The following HACD4 variants were observed in gnomAD, a reference collection of about 807,000 sequenced individuals.
HACD4 encodes 3-hydroxyacyl-CoA dehydratase 4.
A neutral mutation model predicts 33.3 loss-of-function variants in HACD4; 35 were observed. The ratio of observed to expected loss-of-function variants is 1.05; its 90% CI spans 0.80 to 1.39. The LOEUF (loss-of-function observed/expected upper bound fraction) is 1.39. HACD4 is among the 40% of genes most tolerant of loss of function. The probability of loss-of-function intolerance (pLI) is 0.00; values close to 1 mark genes in which losing one functional copy is unlikely to be tolerated. For synonymous variants in HACD4, 118 were observed against 98.0 expected, an observed-to-expected ratio of 1.20 and a Z score of -1.21; for missense variants, 323 against 276.5, an observed-to-expected ratio of 1.17 and a Z score of -1.19.
intron 5 of HACD4, among the ~76,000 whole-genome samples, chr9:21,009,298 A>G (rs903774222): frequency 3.9e-5 from 6 of 152,192 alleles, no homozygotes; most frequent in Non-Finnish European, 7.4e-5. Context: ...TTTGTCATAT[A>G]TATCTCTAGA....
intron 1 of HACD4, chr9:21,031,345 G>T: frequency 1.7e-6 from 1 of 576,462 alleles, no homozygotes; most frequent in Non-Finnish European, 2.2e-6. Flanking sequence ...GTAAAATGGA[G>T]AAAATAACAG....
intron 3 of HACD4, among the ~76,000 whole-genome samples, chr9:21,023,150 C>G: frequency 7.1e-6 from 1 of 140,108 alleles, no homozygotes. Flanking sequence ...TTCTCCCTCA[C>G]AGGTGGGAAC....
chr9:21,026,724 C>G lies in HACD4; in HGVS notation c.143-1G>C. On this transcript the variant is annotated splice_acceptor_variant, in intron 2 of 6. Transcript: ENST00000495827. LOFTEE classifies it high-confidence loss of function. ...GCATAAAAAGTGTCAACCATTGAAT[C>G]TGTATCCCGTGGGTTAAAAATGCAG... 9.9e-6 allele frequency: 16 copies of G among 1,612,814 alleles called. No homozygotes were observed. The highest frequency in any genetic ancestry group is 1.3e-5 in the Non-Finnish European group (15 of 1,179,374).
At chr9:21,021,020 C>G (rs1817895124) in intron 3 of HACD4, among the ~76,000 whole-genome samples, 1 of 152,102 alleles carries the variant, frequency 6.6e-6, no homozygotes, top group Non-Finnish European at 1.5e-5. Context: ...CATCAAAAAG[C>G]TTATCCACCA....
At chr9:21,008,464 A>G (rs1842328135) in intron 5 of HACD4, among the ~76,000 whole-genome samples, 1 of 152,186 alleles carries the variant, frequency 6.6e-6, no homozygotes, top group Non-Finnish European at 1.5e-5. Flanking sequence ...GGTGATAGAG[A>G]GATGAACTTG....
At chr9:21,016,369 A>T (rs1427863953) in intron 3 of HACD4, among the ~76,000 whole-genome samples, 8 of 152,164 alleles carry the variant, frequency 5.3e-5, no homozygotes, top group Admixed American at 5.2e-4. Flanking sequence ...TGCTCCAAAG[A>T]GGGTAGCAGT....
rs1204272662 is a variant in HACD4 at position 20,999,801 on chromosome 9, T to C, written c.*7236A>G. ...CACTATACAAGTTTCTGGGGTACAA[T>C]CTGAACAAAACGTGTCATCCCTGCT... is the stretch of plus-strand genomic sequence containing the variant. On this transcript the variant is annotated 3_prime_UTR_variant, in exon 7 of 7. Coordinates refer to ENST00000495827, the MANE Select transcript of HACD4 (RefSeq NM_001010915.5). The C allele has an allele frequency of 1.3e-5, 2 of 152,184 alleles. No individual in the cohort carries two copies. Among genetic ancestry groups the C allele is most frequent in the African/African-American group, 4.8e-5 (2 of 41,442 alleles). 9.4% of individuals were successfully genotyped at this position (152,184 alleles called of 1,614,324 possible).
intron 3 of HACD4, among the ~76,000 whole-genome samples, chr9:21,020,420 C>T (rs946812999): frequency 2.6e-5 from 4 of 152,068 alleles, no homozygotes. Flanking sequence ...TTGAAACATC[C>T]TAAAGCAGCA....
rs1587818622 is a variant in HACD4, at chr9:20,999,742, G to A, written c.*7295C>T. ...AGTAGTGGCGTTCTTTAAAGATAGA[G>A]TTGCACACACAATTATGGGTGTCTA... On this transcript the variant is annotated 3_prime_UTR_variant, in exon 7 of 7. Coordinates refer to ENST00000495827, the MANE Select transcript of HACD4 (RefSeq NM_001010915.5). 1.3e-5 allele frequency: 2 copies of A among 152,140 alleles called. No homozygotes were observed. The highest frequency in any genetic ancestry group is 1.9e-4 in the East Asian group (1 of 5,202). The allele number at this position is 152,140 out of a possible 1,614,324, so 9.4% of individuals were successfully genotyped here. A position where few individuals can be genotyped will look rare whatever the true frequency, so the allele number is the denominator to read the frequency against.
chr9:21,006,751 C>T lies in HACD4; in HGVS notation c.*286G>A. On this transcript the variant is annotated 3_prime_UTR_variant, in exon 7 of 7. Coordinates refer to ENST00000495827, the MANE Select transcript of HACD4 (RefSeq NM_001010915.5). This position sits in a 1 kb window ranked among gnomAD's most constrained non-coding sequence, Gnocchi z 4.6. ...AATCTCCTATTTCTCATTAAACTTA[C>T]AGGAAAATAATCAGACTTCATACAA... is the stretch of plus-strand genomic sequence containing the variant. The T allele has an allele frequency of 3.2e-6, 1 of 316,366 alleles. No homozygotes were observed. The highest frequency in any genetic ancestry group is 5.8e-6 in the Non-Finnish European group (1 of 171,092). The allele number at this position is 316,366 out of a possible 1,614,324, so 19.6% of individuals were successfully genotyped here. A position where few individuals can be genotyped will look rare whatever the true frequency, so the allele number is the denominator to read the frequency against.
At chr9:21,027,782 G>A (rs1306346467) in intron 2 of HACD4, among the ~76,000 whole-genome samples, 6 of 152,158 alleles carry the variant, frequency 3.9e-5, no homozygotes, top group Admixed American at 3.3e-4. Context: ...TGAACGAATC[G>A]GTTGTGTTTC....
At chr9:21,027,621 G>C (rs954363314) in intron 2 of HACD4, among the ~76,000 whole-genome samples, 1 of 152,148 alleles carries the variant, frequency 6.6e-6, no homozygotes, top group East Asian at 1.9e-4. Context: ...TGCTGTACCA[G>C]AGCATTATGA....
chr9:21,013,401 C>G (rs960011748), intron 4 of HACD4, among the ~76,000 whole-genome samples: 1 of 152,176 alleles, frequency 6.6e-6, no homozygotes, highest in Non-Finnish European at 1.5e-5. Flanking sequence ...CAGTACCACA[C>G]TTAATTATTG....
chr9:21,028,164 G>GA (rs999453962), intron 2 of HACD4, among the ~76,000 whole-genome samples: 4 of 144,686 alleles, frequency 2.8e-5, no homozygotes, highest in South Asian at 2.2e-4. Flanking sequence ...AAAAAGAAAA[G>GA]AAAAAAAAAG....
chr9:21,010,306 C>G (rs1399756972), intron 5 of HACD4, among the ~76,000 whole-genome samples: 1 of 152,114 alleles, frequency 6.6e-6, no homozygotes, highest in South Asian at 2.1e-4. Flanking sequence ...GACTGATGAT[C>G]TGAATGATTT....
At chr9:21,021,821 T>C (rs1268988406) in intron 3 of HACD4, among the ~76,000 whole-genome samples, 1 of 152,100 alleles carries the variant, frequency 6.6e-6, no homozygotes, top group Non-Finnish European at 1.5e-5. Context: ...AATTTATAGA[T>C]TCAATGCCAT....
intron 3 of HACD4, 83 bp from the exon 4 acceptor site, chr9:21,016,093 C>T (rs1169852975): frequency 1.2e-6 from 1 of 846,840 alleles, no homozygotes; most frequent in Non-Finnish European, 1.9e-6. Context: ...ACCAGATCTC[C>T]TTTCAAAAGT....
chr9:21,010,024 C>T (rs1310863205), intron 5 of HACD4, among the ~76,000 whole-genome samples: 1 of 152,170 alleles, frequency 6.6e-6, no homozygotes, highest in Admixed American at 6.5e-5. Context: ...TTTACAGTAA[C>T]AAGCTCTTTT....
intron 3 of HACD4, among the ~76,000 whole-genome samples, chr9:21,017,520 G>A (rs1842588312): frequency 6.6e-6 from 1 of 152,010 alleles, no homozygotes; most frequent in South Asian, 2.1e-4. Context: ...ACACCTCTCA[G>A]CCTTCAGATA....
Sources: gnomAD v4.1 joint callset for allele counts (sites outside exome capture counted in the v4.1 genomes callset) on GRCh38, gnomAD v4.1.1 for gene constraint, Gnocchi (gnomAD v3.1) non-coding constraint, MANE v1.5 for transcripts, NCBI Gene and HGNC (gene_info 2026-07-23, HGNC 2026-07-21) for gene names.